Variants in MGST2 observed in about 807,000 individuals in gnomAD.
MGST2 encodes microsomal glutathione S-transferase 2, also known as glutathione peroxidase MGST2.
A neutral mutation model predicts 16.6 loss-of-function variants in MGST2; 9 were observed. The ratio of observed to expected loss-of-function variants is 0.54; its 90% confidence interval spans 0.33 to 0.95. The LOEUF (loss-of-function observed/expected upper bound fraction) is 0.95, where lower values mean the gene tolerates loss of function less well. Among genes scored for constraint, MGST2 ranks in the 40% least tolerant of loss-of-function variants. The pLI, the probability that MGST2 is intolerant of heterozygous loss-of-function variation, is 0.03. For synonymous variants in MGST2, 79 were observed against 68.0 expected (o/e 1.16, Z -0.79); for missense variants, 159 against 175.1 (o/e 0.91, Z 0.52).
intron 4 of MGST2, 144 bp from the exon 5 acceptor site, chr4:139,703,872 A>T: frequency 1.0e-6 from 1 of 953,286 alleles, no homozygotes; most frequent in Non-Finnish European, 1.7e-6. Context: ...ATTCCCTTTA[A>T]CTTATGTGAT....
intron 3 of MGST2, 92 bp downstream of exon 3, chr4:139,695,359 C>T: frequency 9.2e-7 from 1 of 1,083,626 alleles, no homozygotes. Context: ...CGGTGGCTCA[C>T]ACCTATATTC....
At chr4:139,703,152 C>G (rs1051474137) in intron 3 of MGST2, among the ~76,000 whole-genome samples, 2 of 151,772 alleles carry the variant, frequency 1.3e-5, no homozygotes, top group Admixed American at 6.6e-5. Context: ...TCTTGAACTC[C>G]TGACCTCAAG....
intron 3 of MGST2, among the ~76,000 whole-genome samples, chr4:139,702,931 T>A (rs1727353492): frequency 6.7e-6 from 1 of 149,740 alleles, no homozygotes; most frequent in Non-Finnish European, 1.5e-5. Flanking sequence ...TTTTTATTTA[T>A]TTATTTATTT....
In MGST2 at chr4:139,688,457, C is replaced by T. The variant is rs140586951; in HGVS notation, c.159-6740C>T. On this transcript the variant is annotated intron_variant, in intron 2 of 4. Coordinates refer to ENST00000265498, the MANE Select transcript of MGST2 (RefSeq NM_002413.5). ...ACAAGGCACAGGTAAGCCTGATCAT[C>T]GTGAATCTCGGTACCCTTTAGAAAT... 1.9e-3 allele frequency among the ~76,000 whole-genome samples: 283 copies of T among 152,062 alleles called. 2 individuals carry two copies. Among genetic ancestry groups the T allele is most frequent in the African/African-American group, 6.1e-3 (253 of 41,458 alleles).
At chr4:139,748,342 C>T in the MGST2 span, among the ~76,000 whole-genome samples, 1 of 152,252 alleles carries the variant, frequency 6.6e-6, no homozygotes, top group South Asian at 2.1e-4. Context: ...TTCAGAGAAA[C>T]AGGCTCACAC....
At chr4:139,723,870 A>G (rs187605360) in intron 5 of MGST2, among the ~76,000 whole-genome samples, 15 of 152,312 alleles carry the variant, frequency 9.8e-5, no homozygotes, top group Non-Finnish European at 1.8e-4. Flanking sequence ...CTTGTAAAAA[A>G]TGCAGATTCT....
At chr4:139,666,178 G>A in intron 1 of MGST2, 101 bp downstream of exon 1, 1 of 1,274,610 alleles carries the variant, frequency 7.8e-7, no homozygotes, top group Non-Finnish European at 1.1e-6. Context: ...GATGGGTCCG[G>A]TGTTTTGTTT....
At chr4:139,730,134 GAAGGA>G in intron 5 of MGST2, 1 of 507,740 alleles carries the variant, frequency 2.0e-6, no homozygotes, top group Non-Finnish European at 3.6e-6. Flanking sequence ...CCAGAAATCA[GAAGGA>G]AAGGAGTCAG....
intron 5 of MGST2, among the ~76,000 whole-genome samples, chr4:139,738,552 C>CA (rs1366999244): frequency 2.6e-5 from 4 of 151,230 alleles, no homozygotes; most frequent in East Asian, 3.9e-4. Flanking sequence ...CTCAAACAAA[C>CA]AAAAAAAAGG....
intron 3 of MGST2, 29 bp from the exon 4 acceptor site, chr4:139,703,426 T>C: frequency 6.3e-7 from 1 of 1,595,472 alleles, no homozygotes; most frequent in African/African-American, 1.3e-5. Flanking sequence ...ATTTTGTGCC[T>C]TTTCTTTTTT....
intron 5 of MGST2, among the ~76,000 whole-genome samples, chr4:139,727,334 G>C (rs2110977809): frequency 6.6e-6 from 1 of 152,308 alleles, no homozygotes; most frequent in Middle Eastern, 3.4e-3. Flanking sequence ...GGCAGCAATA[G>C]AAGGGCATTA....
chr4:139,666,006 GT>G lies in MGST2; in HGVS notation c.-12del. On this transcript the variant is annotated 5_prime_UTR_variant, in exon 1 of 5. Transcript: ENST00000265498. Reference sequence around the variant, plus strand: ...TATCTTCCCGTGCGCTCTACAAATAGTTCCGTGAGAAAGATGGCCGGGAACT... The same window carrying G: ...TATCTTCCCGTGCGCTCTACAAATAGTCCGTGAGAAAGATGGCCGGGAACT... 3 of 1,614,036 alleles carry G rather than the reference GT, an allele frequency of 1.9e-6. No homozygotes were observed. Among genetic ancestry groups the G allele is most frequent in the Non-Finnish European group, 2.5e-6 (3 of 1,179,984 alleles).
chr4:139,682,370 G>A (rs1217444427), intron 2 of MGST2, among the ~76,000 whole-genome samples: 2 of 151,738 alleles, frequency 1.3e-5, no homozygotes, highest in African/African-American at 4.8e-5. Context: ...TGAGAAGGTG[G>A]CATTTGTGAA....
intron 5 of MGST2, among the ~76,000 whole-genome samples, chr4:139,723,313 T>C (rs1728329781): frequency 1.3e-5 from 2 of 152,172 alleles, no homozygotes; most frequent in Admixed American, 6.5e-5. Context: ...CTGGTTTTTT[T>C]TGTTTCTTTT....
At chr4:139,684,873 C>T (rs1201296144) in intron 2 of MGST2, among the ~76,000 whole-genome samples, 1 of 152,118 alleles carries the variant, frequency 6.6e-6, no homozygotes, top group African/African-American at 2.4e-5. Context: ...TCTGTTTCTC[C>T]AGGCAATAAG....
chr4:139,719,753 C>T (rs1441253289), intron 5 of MGST2: 5 of 1,613,628 alleles, frequency 3.1e-6, no homozygotes, highest in Non-Finnish European at 4.2e-6. Context: ...CTTGGTCAGT[C>T]TCGGCTGCCC....
downstream of MGST2, among the ~76,000 whole-genome samples, chr4:139,705,094 C>T (rs532230918): frequency 7.9e-5 from 12 of 152,054 alleles, no homozygotes; most frequent in South Asian, 2.1e-4. Flanking sequence ...TCACCCAGGC[C>T]GGAGCCTCCA....
intron 2 of MGST2, among the ~76,000 whole-genome samples, chr4:139,688,393 T>A (rs1012937147): frequency 5.3e-5 from 8 of 152,248 alleles, no homozygotes; most frequent in African/African-American, 1.9e-4. Context: ...ATTTGCTTAA[T>A]GCTGAATTAT....
At chr4:139,669,154 T>G (rs1389635759) in intron 1 of MGST2, among the ~76,000 whole-genome samples, 1 of 152,192 alleles carries the variant, frequency 6.6e-6, no homozygotes, top group Non-Finnish European at 1.5e-5. Flanking sequence ...TGGCCTGAAC[T>G]CGTTTTTTAG....
Sources: allele counts gnomAD v4.1 joint callset (sites outside exome capture counted in the v4.1 genomes callset), GRCh38; gene constraint gnomAD v4.1.1; transcripts MANE v1.5; gene names NCBI Gene and HGNC (gene_info 2026-07-23, HGNC 2026-07-21).